Variants in GRIK1 observed in about 807,000 individuals in gnomAD.
GRIK1 encodes the protein glutamate receptor ionotropic, kainate 1.
Under a neutral mutation model 105.7 loss-of-function variants are expected in GRIK1, and 69 were observed. The observed-to-expected ratio is 0.65, with a 90% confidence interval of 0.54 to 0.80. The LOEUF is 0.80. GRIK1 is among the 30% of genes least tolerant of loss of function. The probability of loss-of-function intolerance (pLI) is 0.00; values close to 1 mark genes in which losing one functional copy is unlikely to be tolerated. For synonymous variants in GRIK1, 438 were observed against 431.3 expected (o/e 1.02, Z -0.19); for missense variants, 1,109 against 1,167.3 (o/e 0.95, Z 0.73).
chr21:29,738,291 G>A (rs2064846783), intron 1 of GRIK1, among the ~76,000 whole-genome samples: 1 of 152,218 alleles, frequency 6.6e-6, no homozygotes, highest in South Asian at 2.1e-4. Flanking sequence ...ATGTGTATAT[G>A]CATGCATTTC....
chr21:29,809,350 T>A (rs1487288500), intron 1 of GRIK1, among the ~76,000 whole-genome samples: 1 of 152,198 alleles, frequency 6.6e-6, no homozygotes, highest in African/African-American at 2.4e-5. Flanking sequence ...CACTCTACTG[T>A]AGTCTAAGTG....
At chr21:29,778,819 A>G (rs1263439137) in intron 1 of GRIK1, among the ~76,000 whole-genome samples, 2 of 152,174 alleles carry the variant, frequency 1.3e-5, no homozygotes, top group African/African-American at 2.4e-5. Flanking sequence ...ACTTCAATGA[A>G]GCACTTGCTG....
chr21:29,767,864 ATGTGTGTGTGTGTG>A (rs60618188), intron 1 of GRIK1, among the ~76,000 whole-genome samples: 123 of 147,192 alleles, frequency 8.4e-4, no homozygotes, highest in East Asian at 7.8e-3. Flanking sequence ...GCTGAAATTC[ATGTGTGTGTGTGTG>A]TGTGTGTGTG....
intron 1 of GRIK1, among the ~76,000 whole-genome samples, chr21:29,781,543 T>C (rs2145779083): frequency 6.6e-6 from 1 of 152,274 alleles, no homozygotes; most frequent in Non-Finnish European, 1.5e-5. Context: ...ATGTCTATAG[T>C]TGTTGTATGC....
chr21:29,694,694 G>T (rs1023752529), intron 1 of GRIK1, among the ~76,000 whole-genome samples: 1 of 152,190 alleles, frequency 6.6e-6, no homozygotes, highest in African/African-American at 2.4e-5. Context: ...ATGTGGACAA[G>T]AATTGCACCA....
rs542820640 is a variant in GRIK1, at chr21:29,777,576, G to A, written c.119-83513C>T. On this transcript the variant is annotated intron_variant, in intron 1 of 17. Transcript: ENST00000327783. Reference sequence around the variant, plus strand: ...GAAAAATTGAAAAAGGTCTAATTGTGTTTGGAGCATAGAGTGTTAAGGACA... The same window carrying A: ...GAAAAATTGAAAAAGGTCTAATTGTATTTGGAGCATAGAGTGTTAAGGACA... 8.1e-4 allele frequency among the ~76,000 whole-genome samples: 124 copies of A among 152,266 alleles called. 1 individual carries two copies. The highest frequency in any genetic ancestry group is 2.7e-3 in the African/African-American group (113 of 41,554).
chr21:29,549,115 C>G (rs1208742146), intron 16 of GRIK1, among the ~76,000 whole-genome samples: 1 of 152,192 alleles, frequency 6.6e-6, no homozygotes, highest in Admixed American at 6.5e-5. Flanking sequence ...GTGTGAGCCA[C>G]CACTACCAGC....
intron 16 of GRIK1, among the ~76,000 whole-genome samples, chr21:29,545,556 C>T (rs2090037421): frequency 6.6e-6 from 1 of 152,200 alleles, no homozygotes; most frequent in Non-Finnish European, 1.5e-5. Context: ...TTTGCATGCC[C>T]TTTCTCTACA....
intron 1 of GRIK1, among the ~76,000 whole-genome samples, chr21:29,854,651 G>A (rs1280889687): frequency 2.0e-5 from 3 of 152,124 alleles, no homozygotes; most frequent in Non-Finnish European, 4.4e-5. Context: ...TGACTGTCAG[G>A]AAATATCATA....
At chr21:29,596,640 A>T (rs2061419529) in intron 8 of GRIK1, 70 bp from the exon 9 acceptor site, 1 of 1,093,282 alleles carries the variant, frequency 9.1e-7, no homozygotes, top group South Asian at 1.2e-5. Flanking sequence ...ACCCAGAAGG[A>T]ATCATGGTGT....
chr21:29,877,044 T>A (rs2069216735), intron 1 of GRIK1, among the ~76,000 whole-genome samples: 1 of 152,196 alleles, frequency 6.6e-6, no homozygotes, highest in South Asian at 2.1e-4. Flanking sequence ...TCAACTATAT[T>A]TAGAATAAAA....
chr21:29,620,838 C>T (rs1473364569), intron 7 of GRIK1, among the ~76,000 whole-genome samples: 8 of 124,102 alleles, frequency 6.4e-5, no homozygotes, highest in African/African-American at 2.7e-4. Context: ...ATATTATAGT[C>T]ATAAAATATA....
intron 1 of GRIK1, among the ~76,000 whole-genome samples, chr21:29,842,151 G>A (rs927171911): frequency 3.3e-5 from 5 of 151,948 alleles, no homozygotes; most frequent in South Asian, 2.1e-4. Context: ...TAAATACGCC[G>A]TTTTGAATCA....
At chr21:29,709,301 G>C (rs987304196) in intron 1 of GRIK1, among the ~76,000 whole-genome samples, 1 of 126,840 alleles carries the variant, frequency 7.9e-6, no homozygotes. Context: ...TTTTTTTTGA[G>C]ACAGAGTCTA....
intron 8 of GRIK1, among the ~76,000 whole-genome samples, chr21:29,598,025 A>G (rs1393004775): frequency 6.6e-6 from 1 of 152,218 alleles, no homozygotes; most frequent in Non-Finnish European, 1.5e-5. Flanking sequence ...ATGTCAGATT[A>G]TAGAGTTTTC....
intron 5 of GRIK1, among the ~76,000 whole-genome samples, chr21:29,653,628 G>A (rs1235616649): frequency 6.6e-6 from 1 of 152,222 alleles, no homozygotes; most frequent in Non-Finnish European, 1.5e-5. Flanking sequence ...TTCGTGATGG[G>A]AAGAACCATA....
intron 1 of GRIK1, among the ~76,000 whole-genome samples, chr21:29,787,958 C>G (rs186618383): frequency 6.6e-6 from 1 of 152,226 alleles, no homozygotes; most frequent in East Asian, 1.9e-4. Context: ...TAGGCACGGT[C>G]GAAGAATCTT....
chr21:29,541,660 G>T (rs2089974753), intron 16 of GRIK1, among the ~76,000 whole-genome samples: 1 of 144,136 alleles, frequency 6.9e-6, no homozygotes, highest in Non-Finnish European at 1.5e-5. Flanking sequence ...GCACATCTGT[G>T]CAGCAATTCC....
intron 16 of GRIK1, among the ~76,000 whole-genome samples, chr21:29,544,079 A>G (rs1360154082): frequency 2.6e-5 from 4 of 152,208 alleles, no homozygotes; most frequent in Admixed American, 1.3e-4. Context: ...CTCTGTTTGC[A>G]TGAACGCATG....
Sources: gnomAD v4.1 joint callset for allele counts (sites outside exome capture counted in the v4.1 genomes callset) on GRCh38, gnomAD v4.1.1 for gene constraint, MANE v1.5 for transcripts, NCBI Gene and HGNC (gene_info 2026-07-23, HGNC 2026-07-21) for gene names.